The following LRBA variants were observed in gnomAD, a reference collection of about 807,000 sequenced individuals.
LRBA encodes the protein lipopolysaccharide-responsive and beige-like anchor protein.
Under a neutral mutation model 330.0 loss-of-function variants are expected in LRBA, and 176 were observed. The ratio of observed to expected loss-of-function variants is 0.53; its 90% CI spans 0.47 to 0.60. LRBA has a LOEUF of 0.60. Among genes scored for constraint, LRBA ranks in the 20% least tolerant of loss-of-function variants. The probability of loss-of-function intolerance (pLI) is 0.00; values close to 1 mark genes in which losing one functional copy is unlikely to be tolerated. For missense variants in LRBA, 3,259 were observed against 3,444.8 expected, an observed-to-expected ratio of 0.95 and a Z score of 1.35; for synonymous variants, 1,230 against 1,193.0, an observed-to-expected ratio of 1.03 and a Z score of -0.64.
intron 37 of LRBA, among the ~76,000 whole-genome samples, chr4:150,656,952 C>A (rs1780248638): frequency 6.6e-6 from 1 of 152,102 alleles, no homozygotes; most frequent in Non-Finnish European, 1.5e-5. Flanking sequence ...TATAAAAAGG[C>A]AAATATGTAA....
chr4:150,509,963 C>A (rs140475544), intron 40 of LRBA, among the ~76,000 whole-genome samples: 1 of 152,004 alleles, frequency 6.6e-6, no homozygotes, highest in Non-Finnish European at 1.5e-5. Context: ...ATGGTGAAAC[C>A]GCATCTCTAC....
At chr4:150,939,697 G>A (rs547659159) in intron 2 of LRBA, among the ~76,000 whole-genome samples, 143 of 152,220 alleles carry the variant, frequency 9.4e-4, no homozygotes, top group Non-Finnish European at 1.6e-3. Flanking sequence ...GCCAAACCAC[G>A]ACCCAGAGAC....
At chr4:150,452,206 C>T (rs756443038) in intron 44 of LRBA, among the ~76,000 whole-genome samples, 1 of 152,112 alleles carries the variant, frequency 6.6e-6, no homozygotes, top group African/African-American at 2.4e-5. Flanking sequence ...AAGGATAATA[C>T]ATCACAATCT....
chr4:150,660,345 G>T lies in LRBA; in HGVS notation c.5921+23206C>A, dbSNP rs1286030889. The stretch of plus-strand genomic sequence containing the variant: ...CCGGCCAGCCGCCCCGTCCGGGAGG[G>T]AGGTGGGGGGGGTCAGCCCCCCTGC... On this transcript the variant is annotated intron_variant, in intron 37 of 56. Coordinates refer to ENST00000651943, the MANE Select transcript of LRBA (RefSeq NM_001364905.1). Among the ~76,000 whole-genome samples, 3 of 63,794 alleles carry T rather than the reference G, an allele frequency of 4.7e-5. No individual in the cohort carries two copies. The East Asian group carries it at 2.0e-3, about 42-fold the overall frequency. The allele number at this position is 63,794 out of a possible 152,430, so 41.9% of individuals were successfully genotyped here.
chr4:150,964,260 C>T (rs1399659433), intron 2 of LRBA, among the ~76,000 whole-genome samples: 1 of 147,716 alleles, frequency 6.8e-6, no homozygotes. Flanking sequence ...GGCCCCTCTG[C>T]CCAGCAGCCC....
intron 2 of LRBA, among the ~76,000 whole-genome samples, chr4:151,007,820 G>A (rs1744282502): frequency 6.9e-6 from 1 of 145,412 alleles, no homozygotes; most frequent in Non-Finnish European, 1.5e-5. Context: ...TCGCACCACT[G>A]CACTCCAGCT....
chr4:150,291,989 C>T (rs902942400), intron 53 of LRBA, among the ~76,000 whole-genome samples: 6 of 152,078 alleles, frequency 3.9e-5, no homozygotes, highest in South Asian at 2.1e-4. Flanking sequence ...AACCAAACAC[C>T]GCATATTCTC....
chr4:150,842,439 T>C (rs1749234552), intron 28 of LRBA, among the ~76,000 whole-genome samples: 1 of 152,186 alleles, frequency 6.6e-6, no homozygotes, highest in Admixed American at 6.5e-5. Flanking sequence ...AGGCGTGTGC[T>C]ACCACATGTG....
intron 40 of LRBA, among the ~76,000 whole-genome samples, chr4:150,559,837 A>AT (rs1767975413): frequency 1.2e-5 from 1 of 84,656 alleles, no homozygotes; most frequent in Non-Finnish European, 2.1e-5. Context: ...TATAAAATAT[A>AT]ATATATATAA....
At chr4:150,477,612 G>A (rs1482569728) in intron 42 of LRBA, among the ~76,000 whole-genome samples, 1 of 152,074 alleles carries the variant, frequency 6.6e-6, no homozygotes, top group Non-Finnish European at 1.5e-5. Flanking sequence ...GGGACACAGA[G>A]AAAAACCATA....
intron 40 of LRBA, among the ~76,000 whole-genome samples, chr4:150,578,925 C>A (rs1306202443): frequency 6.6e-6 from 1 of 152,222 alleles, no homozygotes; most frequent in Non-Finnish European, 1.5e-5. Context: ...CTAAGCCAAA[C>A]AAACAAGATG....
intron 37 of LRBA, among the ~76,000 whole-genome samples, chr4:150,609,536 A>G (rs1775014481): frequency 6.6e-6 from 1 of 152,202 alleles, no homozygotes; most frequent in African/African-American, 2.4e-5. Context: ...ACTTCTTCAT[A>G]ATCTAGTGAA....
At chr4:150,630,909 C>A (rs1045391662) in intron 37 of LRBA, among the ~76,000 whole-genome samples, 1 of 151,908 alleles carries the variant, frequency 6.6e-6, no homozygotes, top group Non-Finnish European at 1.5e-5. Flanking sequence ...CTATCTTAAC[C>A]ACCTATAAAA....
At chr4:150,374,003 T>G (rs1326944900) in intron 47 of LRBA, among the ~76,000 whole-genome samples, 5 of 152,128 alleles carry the variant, frequency 3.3e-5, no homozygotes, top group Admixed American at 3.3e-4. Context: ...TTAACTCCAC[T>G]AACATCCCAG....
At chr4:150,503,890 T>C (rs1398701604) in intron 40 of LRBA, among the ~76,000 whole-genome samples, 1 of 151,708 alleles carries the variant, frequency 6.6e-6, no homozygotes, top group Non-Finnish European at 1.5e-5. Context: ...TGCAGAGAAG[T>C]CCTTAAAGGA....
At chr4:150,605,802 T>G (rs1774562479) in intron 37 of LRBA, among the ~76,000 whole-genome samples, 1 of 152,000 alleles carries the variant, frequency 6.6e-6, no homozygotes, top group South Asian at 2.1e-4. Flanking sequence ...AAAAGAAAAT[T>G]AACTAAAACC....
At chr4:150,423,392 C>T in intron 46 of LRBA, 1 of 644,440 alleles carries the variant, frequency 1.6e-6, no homozygotes, top group Non-Finnish European at 2.8e-6. Context: ...GCTTTGAGTC[C>T]ACAGTCCCTT....
chr4:150,949,863 TATTTA>T (rs1182030393), intron 2 of LRBA, among the ~76,000 whole-genome samples: 1 of 152,072 alleles, frequency 6.6e-6, no homozygotes, highest in Non-Finnish European at 1.5e-5. Flanking sequence ...AAAATCAGTA[TATTTA>T]ATTACTTGCC....
chr4:150,747,847 C>T (rs548866814), intron 35 of LRBA, among the ~76,000 whole-genome samples: 100 of 152,304 alleles, frequency 6.6e-4, no homozygotes, highest in African/African-American at 1.9e-3. Flanking sequence ...TTTAATCTCA[C>T]CTACATAGTA....
Sources: gnomAD v4.1 joint callset for allele counts (sites outside exome capture counted in the v4.1 genomes callset) on GRCh38, gnomAD v4.1.1 for gene constraint, MANE v1.5 for transcripts, NCBI Gene and HGNC (gene_info 2026-07-23, HGNC 2026-07-21) for gene names.